Variants in PTPN1 observed in about 807,000 individuals in gnomAD.
The protein encoded by PTPN1 is tyrosine-protein phosphatase non-receptor type 1.
Under a neutral mutation model 59.9 loss-of-function variants are expected in PTPN1, and 12 were observed. The observed-to-expected ratio is 0.20, with a 90% CI of 0.13 to 0.32. The LOEUF (loss-of-function observed/expected upper bound fraction) is 0.32, where lower values mean the gene tolerates loss of function less well. Among genes scored for constraint, PTPN1 ranks in the 10% least tolerant of loss-of-function variants. The pLI, the probability that PTPN1 is intolerant of heterozygous loss-of-function variation, is 1.00. For missense variants in PTPN1, 356 were observed against 549.2 expected, an observed-to-expected ratio of 0.65 and a Z score of 3.52; for synonymous variants, 178 against 203.6, an observed-to-expected ratio of 0.87 and a Z score of 1.07.
chr20:50,576,268 G>T (rs1236715635), intron 5 of PTPN1, among the ~76,000 whole-genome samples: 2 of 152,190 alleles, frequency 1.3e-5, no homozygotes, highest in Admixed American at 1.3e-4. Flanking sequence ...AGTGACTTCT[G>T]GGAAACTATT....
intron 1 of PTPN1, among the ~76,000 whole-genome samples, chr20:50,551,365 C>T (rs752667394): frequency 7.9e-5 from 12 of 152,198 alleles, no homozygotes; most frequent in Admixed American, 1.3e-4. Context: ...ATCTTCCTAG[C>T]CTAGCTAAAT....
chr20:50,534,167 G>T (rs2082613806), intron 1 of PTPN1, among the ~76,000 whole-genome samples: 1 of 152,100 alleles, frequency 6.6e-6, no homozygotes, highest in South Asian at 2.1e-4. Flanking sequence ...CTCAAGATCT[G>T]CCCACCTCAG....
At chr20:50,565,322 G>C (rs1388266313) in intron 3 of PTPN1, among the ~76,000 whole-genome samples, 2 of 152,238 alleles carry the variant, frequency 1.3e-5, no homozygotes, top group African/African-American at 4.8e-5. Flanking sequence ...TAAAATGCCA[G>C]AGTTGCCTGT....
chr20:50,570,089 G>T (rs1035339079), intron 4 of PTPN1, among the ~76,000 whole-genome samples: 1 of 152,226 alleles, frequency 6.6e-6, no homozygotes, highest in African/African-American at 2.4e-5. Flanking sequence ...CTCCAGAGAG[G>T]CCACCTTTCC....
chr20:50,563,577 A>G (rs1601408543), intron 2 of PTPN1, among the ~76,000 whole-genome samples: 1 of 152,216 alleles, frequency 6.6e-6, no homozygotes, highest in South Asian at 2.1e-4. Context: ...AAATTATCCA[A>G]GTATCTTTAT....
intron 1 of PTPN1, among the ~76,000 whole-genome samples, chr20:50,533,913 G>C (rs896168708): frequency 6.6e-6 from 1 of 152,050 alleles, no homozygotes. Flanking sequence ...AGATTGTCTG[G>C]CTATAGAAGC....
At chr20:50,531,841 C>G (rs1051833135) in intron 1 of PTPN1, among the ~76,000 whole-genome samples, 1 of 152,200 alleles carries the variant, frequency 6.6e-6, no homozygotes, top group East Asian at 1.9e-4. Flanking sequence ...CCTTACCATC[C>G]TCTCCCCGCT....
At chr20:50,543,263 CAGA>C (rs2082660382) in intron 1 of PTPN1, among the ~76,000 whole-genome samples, 3 of 152,196 alleles carry the variant, frequency 2.0e-5, no homozygotes, top group Non-Finnish European at 4.4e-5. Context: ...TCTTTCCTTA[CAGA>C]AGGACAAAGG....
intron 1 of PTPN1, among the ~76,000 whole-genome samples, chr20:50,535,534 C>A (rs1204752283): frequency 1.3e-5 from 2 of 152,030 alleles, no homozygotes; most frequent in African/African-American, 4.8e-5. Flanking sequence ...TTAACTTTGC[C>A]CTAATTCGCC....
chr20:50,526,351 G>T (rs947024010), intron 1 of PTPN1, among the ~76,000 whole-genome samples: 1 of 152,036 alleles, frequency 6.6e-6, no homozygotes, highest in Admixed American at 6.5e-5. Context: ...AAAATGCTGG[G>T]ATTACAGGTG....
At chr20:50,551,366 C>T (rs1421519880) in intron 1 of PTPN1, among the ~76,000 whole-genome samples, 2 of 152,188 alleles carry the variant, frequency 1.3e-5, no homozygotes, top group African/African-American at 4.8e-5. Context: ...TCTTCCTAGC[C>T]TAGCTAAATC....
At chr20:50,577,771 A>G (rs1353178262) in intron 5 of PTPN1, 1 of 152,370 alleles carries the variant, frequency 6.6e-6, no homozygotes, top group East Asian at 1.9e-4. Flanking sequence ...CTCATCGGAA[A>G]ATGGATGGGA....
At chr20:50,576,862 A>G (rs1203816685) in intron 5 of PTPN1, among the ~76,000 whole-genome samples, 2 of 152,164 alleles carry the variant, frequency 1.3e-5, no homozygotes, top group Non-Finnish European at 2.9e-5. Flanking sequence ...GCGGCAGAGC[A>G]AGACTCTGTC....
rs181808019 is a variant in PTPN1, at chr20:50,536,349, A to G, written c.64-25014A>G. Among the ~76,000 whole-genome samples, 397 of 152,354 alleles carry G rather than the reference A, an allele frequency of 2.6e-3. 3 individuals carry two copies. Among genetic ancestry groups the G allele is most frequent in the South Asian group, 0.011 (51 of 4,828 alleles). ...GCAGTTGCCAGGCGGTGTGCTGATC[A>G]GAAACGTGTACCAATGGCCTCTTTT... On this transcript the variant is annotated intron_variant, in intron 1 of 9. Coordinates refer to ENST00000371621, the MANE Select transcript of PTPN1 (RefSeq NM_002827.4).
At chr20:50,540,255 C>G (rs1454252530) in intron 1 of PTPN1, among the ~76,000 whole-genome samples, 2 of 152,164 alleles carry the variant, frequency 1.3e-5, no homozygotes, top group African/African-American at 4.8e-5. Flanking sequence ...CAGGGTTTCT[C>G]CATGTTGGTC....
At chr20:50,547,924 C>T (rs2082682908) in intron 1 of PTPN1, among the ~76,000 whole-genome samples, 1 of 152,070 alleles carries the variant, frequency 6.6e-6, no homozygotes, top group South Asian at 2.1e-4. Flanking sequence ...TTAAGAGTTT[C>T]TTATCTTAAA....
At chr20:50,529,494 T>C (rs1473089561) in intron 1 of PTPN1, among the ~76,000 whole-genome samples, 1 of 152,232 alleles carries the variant, frequency 6.6e-6, no homozygotes, top group East Asian at 1.9e-4. Context: ...CTTTAAACTT[T>C]TACTGGTTTG....
chr20:50,569,657 T>C (rs897689614), intron 4 of PTPN1, among the ~76,000 whole-genome samples: 5 of 151,860 alleles, frequency 3.3e-5, no homozygotes, highest in Non-Finnish European at 5.9e-5. Context: ...CCTGTGTAGA[T>C]TGTCTGTGTA....
chr20:50,552,369 A>G (rs2082705568), intron 1 of PTPN1, among the ~76,000 whole-genome samples: 1 of 152,228 alleles, frequency 6.6e-6, no homozygotes, highest in Admixed American at 6.5e-5. Context: ...AATTATCCAG[A>G]AACTGACCCC....
Sources: gnomAD v4.1 joint callset for allele counts (sites outside exome capture counted in the v4.1 genomes callset) on GRCh38, gnomAD v4.1.1 for gene constraint, MANE v1.5 for transcripts, NCBI Gene and HGNC (gene_info 2026-07-23, HGNC 2026-07-21) for gene names.